The following SLC30A8 variants were observed in gnomAD, a reference collection of about 807,000 sequenced individuals.
SLC30A8 encodes the protein solute carrier family 30 member 8, also known as proton-coupled zinc antiporter SLC30A8.
In SLC30A8, 27 loss-of-function variants were observed where a neutral mutation model predicts 36.9. The observed-to-expected ratio is 0.73, with a 90% CI of 0.54 to 1.01. The LOEUF (loss-of-function observed/expected upper bound fraction) is 1.01. Ranked by LOEUF, SLC30A8 falls within the 50% of genes least tolerant of loss-of-function variation. The pLI is 0.00. For synonymous variants in SLC30A8, 164 were observed against 172.4 expected (o/e 0.95, Z 0.38); for missense variants, 439 against 452.0 (o/e 0.97, Z 0.26).
intron 1 of SLC30A8, among the ~76,000 whole-genome samples, chr8:116,995,370 G>T (rs1815780287): frequency 6.6e-6 from 1 of 151,896 alleles, no homozygotes; most frequent in African/African-American, 2.4e-5. Flanking sequence ...GGCCACCTAG[G>T]GTCAAGTTTC....
intron 1 of SLC30A8, among the ~76,000 whole-genome samples, chr8:116,955,703 A>T (rs1814169140): frequency 6.7e-6 from 1 of 150,184 alleles, no homozygotes; most frequent in Non-Finnish European, 1.5e-5. Context: ...AGCCTGGGTG[A>T]CAGAGCGAGA....
At chr8:117,138,060 CAAAAA>C (rs60065374) in intron 1 of SLC30A8, among the ~76,000 whole-genome samples, 2 of 49,982 alleles carry the variant, frequency 4.0e-5, no homozygotes. Context: ...TTCATTGTAG[CAAAAA>C]AAAAAAAAAA....
chr8:117,006,772 A>ATTT lies in SLC30A8; in HGVS notation c.-265-32421_-265-32419dup, dbSNP rs71305456. On this transcript the variant is annotated intron_variant, in intron 1 of 10. Coordinates refer to the SLC30A8 transcript ENST00000427715. ...CTAAGACTGAGAGTTGAGTCAGGTAATTTTTTTTTTTTTTTTTTTTTTTTT... is the reference window on the plus strand; with the variant it reads ...CTAAGACTGAGAGTTGAGTCAGGTAATTTTTTTTTTTTTTTTTTTTTTTTTTTT... Among the ~76,000 whole-genome samples, 177 of 78,960 alleles carry ATTT rather than the reference A, an allele frequency of 2.2e-3. 15 individuals carry two copies. The highest frequency in any genetic ancestry group is 7.0e-3 in the African/African-American group (151 of 21,426). The allele number at this position is 78,960 out of a possible 152,430, so 51.8% of individuals were successfully genotyped here.
chr8:116,989,350 T>G (rs1171057545), intron 1 of SLC30A8, among the ~76,000 whole-genome samples: 1 of 152,174 alleles, frequency 6.6e-6, no homozygotes, highest in African/African-American at 2.4e-5. Context: ...ACAAGATAAA[T>G]TTCATAGTAA....
At chr8:116,991,553 C>G (rs2130664582) in intron 1 of SLC30A8, among the ~76,000 whole-genome samples, 1 of 152,274 alleles carries the variant, frequency 6.6e-6, no homozygotes, top group Non-Finnish European at 1.5e-5. Flanking sequence ...GATCGCCCAT[C>G]TTGGTCTCCC....
At chr8:117,094,505 A>G (rs1819272673) in intron 2 of SLC30A8, among the ~76,000 whole-genome samples, 1 of 152,136 alleles carries the variant, frequency 6.6e-6, no homozygotes, top group South Asian at 2.1e-4. Context: ...CTCTCAGCAG[A>G]GAGGGGACTC....
At chr8:117,110,260 T>TAAA (rs113977042) in intron 2 of SLC30A8, among the ~76,000 whole-genome samples, 5 of 145,460 alleles carry the variant, frequency 3.4e-5, no homozygotes, top group Admixed American at 6.9e-5. Flanking sequence ...CAACATTACT[T>TAAA]AAAAAAAAAA....
At chr8:117,146,881 T>G in intron 1 of SLC30A8, 73 bp from the exon 2 acceptor site, 1 of 1,594,186 alleles carries the variant, frequency 6.3e-7, no homozygotes, top group South Asian at 1.1e-5. Flanking sequence ...GTTCCAAGTA[T>G]GGGCAGGGTG....
chr8:117,112,536 A>T (rs1179746057), intron 2 of SLC30A8, among the ~76,000 whole-genome samples: 1 of 152,132 alleles, frequency 6.6e-6, no homozygotes, highest in Non-Finnish European at 1.5e-5. Flanking sequence ...CTCTAATTTC[A>T]GCTCTGCCGG....
intron 1 of SLC30A8, among the ~76,000 whole-genome samples, chr8:117,144,668 A>G (rs1821816601): frequency 1.3e-5 from 2 of 152,166 alleles, no homozygotes; most frequent in African/African-American, 4.8e-5. Context: ...AATTTTATAA[A>G]TGGAGAAAAT....
At chr8:117,076,013 AC>A (rs903496105) in intron 2 of SLC30A8, among the ~76,000 whole-genome samples, 1 of 151,892 alleles carries the variant, frequency 6.6e-6, no homozygotes, top group Non-Finnish European at 1.5e-5. Context: ...TGCCCTTCCC[AC>A]CCTGGTGAAA....
chr8:116,973,676 C>T (rs1814871924), intron 1 of SLC30A8, among the ~76,000 whole-genome samples: 2 of 152,068 alleles, frequency 1.3e-5, no homozygotes, highest in Non-Finnish European at 1.5e-5. Flanking sequence ...TTCACAGAAT[C>T]GGAAGAAACT....
intron 7 of SLC30A8, 59 bp from the exon 8 acceptor site, chr8:117,172,477 G>C: frequency 1.2e-6 from 2 of 1,611,208 alleles, no homozygotes; most frequent in South Asian, 1.1e-5. Context: ...GTTGGAGTCA[G>C]AGCAGTCGCC....
chr8:117,146,106 C>T (rs1821883466), intron 1 of SLC30A8, among the ~76,000 whole-genome samples: 1 of 151,760 alleles, frequency 6.6e-6, no homozygotes, highest in South Asian at 2.1e-4. Flanking sequence ...TCAAAATAGC[C>T]AGAAAAGAAT....
chr8:116,979,794 A>T (rs1257878321), intron 1 of SLC30A8, among the ~76,000 whole-genome samples: 1 of 152,328 alleles, frequency 6.6e-6, no homozygotes. Context: ...GCAGTCTGTT[A>T]TCTTCTGCCC....
chr8:116,993,712 G>A (rs943026278), intron 1 of SLC30A8, among the ~76,000 whole-genome samples: 3 of 151,876 alleles, frequency 2.0e-5, no homozygotes, highest in Non-Finnish European at 4.4e-5. Context: ...CTAAAATTGA[G>A]AACTCATTGA....
chr8:117,151,157 C>T (rs908280868), intron 2 of SLC30A8, among the ~76,000 whole-genome samples: 2 of 152,130 alleles, frequency 1.3e-5, no homozygotes, highest in Non-Finnish European at 2.9e-5. Context: ...TTCCTGAAAA[C>T]CCCTTCTCTT....
At chr8:117,087,637 T>A (rs1051402075) in intron 2 of SLC30A8, among the ~76,000 whole-genome samples, 1 of 151,950 alleles carries the variant, frequency 6.6e-6, no homozygotes, top group Admixed American at 6.6e-5. Context: ...CAATCTTAGA[T>A]TTTTTTTGAT....
At chr8:117,120,621 A>G (rs1820655709) in intron 2 of SLC30A8, among the ~76,000 whole-genome samples, 2 of 151,910 alleles carry the variant, frequency 1.3e-5, no homozygotes, top group South Asian at 4.1e-4. Flanking sequence ...ACATCAAATT[A>G]AAAATCTTCT....
Sources: gnomAD v4.1 joint callset for allele counts (sites outside exome capture counted in the v4.1 genomes callset) on GRCh38, gnomAD v4.1.1 for gene constraint, MANE v1.5 for transcripts, NCBI Gene and HGNC (gene_info 2026-07-23, HGNC 2026-07-21) for gene names.